Variants in ANO10 observed in about 807,000 individuals in gnomAD.
ANO10 encodes anoctamin 10, also known as anoctamin-10.
Under a neutral mutation model 74.7 loss-of-function variants are expected in ANO10, and 77 were observed. The ratio of observed to expected loss-of-function variants is 1.03; its 90% CI spans 0.86 to 1.25. The LOEUF is 1.25. ANO10 is among the 50% of genes most tolerant of loss of function. The pLI is 0.00. For missense variants in ANO10, 721 were observed against 778.1 expected (o/e 0.93, Z 0.87); for synonymous variants, 279 against 284.9 (o/e 0.98, Z 0.21).
Position 43,565,866 on chromosome 3 carries a change from A to G in ANO10, c.1219-139T>C, listed in dbSNP as rs2080296319. Reference sequence around the variant, plus strand: ...CCGAATAGGAACAGCTCCAGTCTACAGCTCCCAGCCTGAGCGACGCAGAAG... The same window carrying G: ...CCGAATAGGAACAGCTCCAGTCTACGGCTCCCAGCCTGAGCGACGCAGAAG... On this transcript the variant is annotated intron_variant, in intron 7 of 12. Transcript: ENST00000292246. The G allele has an allele frequency of 4.6e-6, 4 of 862,218 alleles. No homozygotes were observed. In the South Asian group the frequency reaches 4.7e-5, roughly 10 times the overall value. The allele number at this position is 862,218 out of a possible 1,614,324, so 53.4% of individuals were successfully genotyped here.
chr3:43,388,246 C>T (rs908417015), intron 12 of ANO10, among the ~76,000 whole-genome samples: 10 of 152,094 alleles, frequency 6.6e-5, no homozygotes, highest in African/African-American at 2.4e-4. Context: ...CAGGAGAGAG[C>T]TGGCCTGTGG....
chr3:43,623,058 G>A (rs181780637), upstream of ANO10, among the ~76,000 whole-genome samples: 2 of 152,256 alleles, frequency 1.3e-5, no homozygotes, highest in African/African-American at 4.8e-5. Flanking sequence ...TAGAGACAGG[G>A]TTTCACTATG....
At chr3:43,498,067 C>G (rs1245885417) in intron 11 of ANO10, among the ~76,000 whole-genome samples, 1 of 152,164 alleles carries the variant, frequency 6.6e-6, no homozygotes, top group Non-Finnish European at 1.5e-5. Flanking sequence ...AAGCATTAAT[C>G]TGGTAATTAT....
At chr3:43,532,851 G>A (rs544551388) in intron 11 of ANO10, among the ~76,000 whole-genome samples, 1 of 152,300 alleles carries the variant, frequency 6.6e-6, no homozygotes, top group South Asian at 2.1e-4. Flanking sequence ...GATATGGTAA[G>A]GTTTCAGTCT....
intron 1 of ANO10, among the ~76,000 whole-genome samples, chr3:43,639,707 C>T (rs770400888): frequency 3.3e-5 from 5 of 149,988 alleles, no homozygotes; most frequent in East Asian, 2.0e-4. Context: ...ACCAGGGAGT[C>T]GGAGGTTGCA....
At chr3:43,503,739 T>C (rs2077182870) in intron 11 of ANO10, among the ~76,000 whole-genome samples, 1 of 152,220 alleles carries the variant, frequency 6.6e-6, no homozygotes, top group Non-Finnish European at 1.5e-5. Context: ...ATAGGCTGCC[T>C]TGGCTGCTCT....
intron 1 of ANO10, among the ~76,000 whole-genome samples, chr3:43,674,969 A>G (rs2084104346): frequency 6.6e-6 from 1 of 152,240 alleles, no homozygotes; most frequent in Non-Finnish European, 1.5e-5. Context: ...AGCTGGGGCA[A>G]TAAATCCTTC....
At chr3:43,550,097 G>C (rs1022246983) in intron 10 of ANO10, among the ~76,000 whole-genome samples, 4 of 152,036 alleles carry the variant, frequency 2.6e-5, no homozygotes, top group African/African-American at 7.2e-5. Flanking sequence ...TTCCTAATTG[G>C]AGGCAGCCCT....
intron 1 of ANO10, among the ~76,000 whole-genome samples, chr3:43,635,705 C>T (rs950586778): frequency 6.6e-6 from 1 of 151,688 alleles, no homozygotes; most frequent in African/African-American, 2.4e-5. Flanking sequence ...CTGCAACCTC[C>T]GCCTTCTGGG....
chr3:43,568,223 C>T (rs1048059335), intron 7 of ANO10, among the ~76,000 whole-genome samples: 1 of 152,134 alleles, frequency 6.6e-6, no homozygotes, highest in Non-Finnish European at 1.5e-5. Context: ...AAGACTCCCA[C>T]ACATTAATAA....
At chr3:43,396,935 T>C (rs1308380758) in intron 12 of ANO10, among the ~76,000 whole-genome samples, 7 of 150,104 alleles carry the variant, frequency 4.7e-5, no homozygotes, top group Admixed American at 2.0e-4. Flanking sequence ...GCATTGTAGT[T>C]TTTTTTTTTT....
intron 11 of ANO10, among the ~76,000 whole-genome samples, chr3:43,459,839 C>T (rs2075302114): frequency 6.6e-6 from 1 of 152,156 alleles, no homozygotes; most frequent in Non-Finnish European, 1.5e-5. Context: ...ATAGTTGGTA[C>T]TACTGTTATC....
chr3:43,521,030 C>A (rs1004740111), intron 11 of ANO10, among the ~76,000 whole-genome samples: 14 of 151,988 alleles, frequency 9.2e-5, no homozygotes, highest in African/African-American at 3.1e-4. Context: ...CTCATTTATT[C>A]GTCTGAATTG....
At chr3:43,675,180 A>C (rs1052193485) in intron 1 of ANO10, among the ~76,000 whole-genome samples, 7 of 152,198 alleles carry the variant, frequency 4.6e-5, no homozygotes, top group Non-Finnish European at 7.3e-5. Flanking sequence ...ATAAGCAAAA[A>C]CAAAAACAAA....
At position 43,618,827 on chromosome 3, in the gene ANO10, A is replaced by C. The variant is rs1057386293; in HGVS notation, c.-12+3082T>G. ...GTCTTTTTTTTTTTCTTTGAGGCAGAGTCTCGCTCTGTCGCCCAGGCTGGA... is the reference window on the plus strand; with the variant it reads ...GTCTTTTTTTTTTTCTTTGAGGCAGCGTCTCGCTCTGTCGCCCAGGCTGGA... On this transcript the variant is annotated intron_variant, in intron 1 of 12. Transcript: ENST00000292246. 5.9e-5 allele frequency among the ~76,000 whole-genome samples: 9 copies of C among 152,056 alleles called. No individual in the cohort carries two copies. The East Asian group carries it at 7.7e-4, about 13-fold the overall frequency.
intron 11 of ANO10, among the ~76,000 whole-genome samples, chr3:43,517,307 AC>A (rs1192660878): frequency 3.3e-5 from 5 of 152,140 alleles, no homozygotes; most frequent in African/African-American, 1.2e-4. Flanking sequence ...AATTATACCT[AC>A]AGTGCTGCTT....
chr3:43,389,816 G>A (rs1273880765), intron 12 of ANO10, among the ~76,000 whole-genome samples: 9 of 152,176 alleles, frequency 5.9e-5, no homozygotes, highest in Admixed American at 5.9e-4. Context: ...CTTCCTCAGT[G>A]CCCTCGGAAA....
At chr3:43,545,732 CAAAT>C (rs1426643753) in intron 11 of ANO10, among the ~76,000 whole-genome samples, 1 of 151,936 alleles carries the variant, frequency 6.6e-6, no homozygotes, top group Non-Finnish European at 1.5e-5. Context: ...GTATAACTGA[CAAAT>C]AAAAATTGAA....
intron 7 of ANO10, 150 bp from the exon 8 acceptor site, chr3:43,565,877 T>C (rs1575439753): frequency 6.3e-6 from 5 of 788,408 alleles, no homozygotes; most frequent in East Asian, 2.8e-5. Flanking sequence ...GCTCCCAGCC[T>C]GAGCGACGCA....
Sources: allele counts gnomAD v4.1 joint callset (sites outside exome capture counted in the v4.1 genomes callset), GRCh38; gene constraint gnomAD v4.1.1; transcripts MANE v1.5; gene names NCBI Gene and HGNC (gene_info 2026-07-23, HGNC 2026-07-21).